Variants in PALM2AKAP2 observed in about 807,000 individuals in gnomAD.
PALM2AKAP2 encodes PALM2-AKAP2 fusion protein.
In PALM2AKAP2, 37 loss-of-function variants were observed where a neutral mutation model predicts 71.5. That is an observed-to-expected ratio of 0.52 (90% CI 0.40 to 0.68). The LOEUF is 0.68. PALM2AKAP2 is among the 30% of genes least tolerant of loss of function. The pLI is 0.00. For missense variants in PALM2AKAP2, 1,224 were observed against 1,191.8 expected (o/e 1.03, Z -0.40); for synonymous variants, 468 against 478.8 (o/e 0.98, Z 0.29).
chr9:110,079,961 T>C (rs562954631), intron 1 of PALM2AKAP2, among the ~76,000 whole-genome samples: 89 of 150,826 alleles, frequency 5.9e-4, no homozygotes, highest in Non-Finnish European at 9.0e-4. Context: ...TCCAAGCTAC[T>C]TGGGAGACTG....
chr9:109,657,340 C>T (rs1827321720), intron 1 of PALM2AKAP2, among the ~76,000 whole-genome samples: 1 of 152,216 alleles, frequency 6.6e-6, no homozygotes, highest in African/African-American at 2.4e-5. Flanking sequence ...AATGTTCACA[C>T]TTTTCAAACC....
At chr9:109,879,760 G>T (rs1488944208) in intron 2 of PALM2AKAP2, among the ~76,000 whole-genome samples, 1 of 150,130 alleles carries the variant, frequency 6.7e-6, no homozygotes, top group Non-Finnish European at 1.5e-5. Context: ...GCAGTGGCAC[G>T]GTCACAGCTC....
At chr9:109,891,596 C>G (rs1830091669) in intron 3 of PALM2AKAP2, among the ~76,000 whole-genome samples, 1 of 152,092 alleles carries the variant, frequency 6.6e-6, no homozygotes, top group Non-Finnish European at 1.5e-5. Context: ...TCAAGCGATT[C>G]TCTCCTGTCT....
chr9:109,702,363 C>T (rs1173521338), intron 1 of PALM2AKAP2, among the ~76,000 whole-genome samples: 7 of 152,150 alleles, frequency 4.6e-5, no homozygotes, highest in African/African-American at 1.2e-4. Context: ...CAATGATATA[C>T]TGGATTAAGA....
intron 1 of PALM2AKAP2, among the ~76,000 whole-genome samples, chr9:109,735,253 C>G (rs1346486648): frequency 6.6e-6 from 1 of 150,522 alleles, no homozygotes; most frequent in East Asian, 1.9e-4. Flanking sequence ...TGGGCCTGCT[C>G]TCCAGCAACT....
At chr9:109,986,453 C>A (rs1832380872) in intron 6 of PALM2AKAP2, among the ~76,000 whole-genome samples, 1 of 152,198 alleles carries the variant, frequency 6.6e-6, no homozygotes, top group Non-Finnish European at 1.5e-5. Flanking sequence ...GCAGCTGTTT[C>A]ATCTAATATG....
At chr9:109,776,539 C>A (rs1030072217), upstream of PALM2AKAP2, among the ~76,000 whole-genome samples, 5 of 152,220 alleles carry the variant, frequency 3.3e-5, no homozygotes, top group Admixed American at 6.5e-5. Flanking sequence ...CTCCAAAATT[C>A]TTGGCAGGCA....
At chr9:109,952,850 C>T (rs76706170) in intron 6 of PALM2AKAP2, among the ~76,000 whole-genome samples, 67 of 152,292 alleles carry the variant, frequency 4.4e-4, no homozygotes, top group Non-Finnish European at 7.1e-4. Context: ...TATGGAAAGT[C>T]GTGTGCTTAC....
chr9:109,949,998 A>G (rs1461923850), intron 6 of PALM2AKAP2, among the ~76,000 whole-genome samples: 2 of 152,156 alleles, frequency 1.3e-5, no homozygotes, highest in East Asian at 3.9e-4. Flanking sequence ...TATAAATCTT[A>G]TAGGGGCCAG....
intron 1 of PALM2AKAP2, among the ~76,000 whole-genome samples, chr9:109,852,757 T>A (rs1428683006): frequency 6.6e-6 from 1 of 152,168 alleles, no homozygotes; most frequent in Non-Finnish European, 1.5e-5. Context: ...CTCATTGTGG[T>A]TTTGGTTTGC....
chr9:110,138,045 C>T (rs1835934641), exon 2 of PALM2AKAP2: 1 of 1,613,000 alleles, frequency 6.2e-7, no homozygotes, highest in Non-Finnish European at 8.5e-7. Flanking sequence ...CAACAGGGAC[C>T]TGAAGCGACT....
chr9:109,851,739 G>C (rs1829027274), intron 1 of PALM2AKAP2, among the ~76,000 whole-genome samples: 1 of 152,282 alleles, frequency 6.6e-6, no homozygotes, highest in East Asian at 1.9e-4. Context: ...AAGTTCCCCT[G>C]CTGTCTTCTG....
At chr9:109,779,972 G>T (rs993641563), upstream of PALM2AKAP2, among the ~76,000 whole-genome samples, 2 of 151,886 alleles carry the variant, frequency 1.3e-5, no homozygotes, top group Admixed American at 6.6e-5. Context: ...ACGCGGGCGC[G>T]CCACGCCAGC....
chr9:109,942,788 G>C (rs1363391481), intron 6 of PALM2AKAP2: 1 of 1,614,036 alleles, frequency 6.2e-7, no homozygotes, highest in Non-Finnish European at 8.5e-7. Context: ...CATCAGAAAG[G>C]AGTCAAAGTC....
At chr9:110,123,279 C>A (rs1835529903) in intron 1 of PALM2AKAP2, among the ~76,000 whole-genome samples, 1 of 152,150 alleles carries the variant, frequency 6.6e-6, no homozygotes, top group African/African-American at 2.4e-5. Flanking sequence ...AGTTGGGAGG[C>A]TAGAAGCACA....
chr9:110,150,606 ACCTC>A (rs1249440678), intron 2 of PALM2AKAP2, among the ~76,000 whole-genome samples: 2 of 152,112 alleles, frequency 1.3e-5, no homozygotes, highest in African/African-American at 4.8e-5. Context: ...AGTTCTTTTT[ACCTC>A]TAAAGCAACG....
At chr9:110,013,746 A>G (rs1467081401) in intron 6 of PALM2AKAP2, among the ~76,000 whole-genome samples, 1 of 152,232 alleles carries the variant, frequency 6.6e-6, no homozygotes, top group Non-Finnish European at 1.5e-5. Flanking sequence ...AAACTTTAAA[A>G]AGTAACCAGT....
At chr9:110,048,715 C>T in exon 1 of PALM2AKAP2, 1 of 1,547,656 alleles carries the variant, frequency 6.5e-7, no homozygotes. Flanking sequence ...CTGGCCCCAG[C>T]CCGGGGCTGC....
intron 1 of PALM2AKAP2, among the ~76,000 whole-genome samples, chr9:109,815,282 T>A (rs1351378505): frequency 2.6e-5 from 4 of 152,190 alleles, no homozygotes; most frequent in African/African-American, 4.8e-5. Context: ...AGTGATGAGT[T>A]TATTTTGGAC....
Sources: gnomAD v4.1 joint callset for allele counts (sites outside exome capture counted in the v4.1 genomes callset) on GRCh38, gnomAD v4.1.1 for gene constraint, MANE v1.5 for transcripts, NCBI Gene and HGNC (gene_info 2026-07-23, HGNC 2026-07-21) for gene names.